The following DHX32 variants were observed in gnomAD, a reference collection of about 807,000 sequenced individuals.
DHX32 encodes DEAH-box helicase 32 (putative).
Under a neutral mutation model 70.0 loss-of-function variants are expected in DHX32, and 51 were observed. That is an observed-to-expected ratio of 0.73 (90% CI 0.58 to 0.92). The LOEUF (loss-of-function observed/expected upper bound fraction) is 0.92. DHX32 is among the 40% of genes least tolerant of loss of function. DHX32 has a pLI of 0.00. For synonymous variants in DHX32, 310 were observed against 315.3 expected (o/e 0.98, Z 0.18); for missense variants, 762 against 891.8 (o/e 0.85, Z 1.85).
chr10:125,868,022 C>T (rs1341843398), intron 1 of DHX32, among the ~76,000 whole-genome samples: 2 of 152,014 alleles, frequency 1.3e-5, no homozygotes, highest in Non-Finnish European at 2.9e-5. Flanking sequence ...ATAATAAAAG[C>T]TAAAATATCC....
At chr10:125,836,934 C>T (rs921826660) in intron 10 of DHX32, 79 bp from the exon 11 acceptor site, 1 of 1,285,250 alleles carries the variant, frequency 7.8e-7, no homozygotes, top group African/African-American at 1.5e-5. Flanking sequence ...CTGGGCACTT[C>T]CCATCCCTGG....
At position 125,836,693 on chromosome 10, in the gene DHX32, G is replaced by GA; in HGVS notation, c.2225dup (p.Gln743ProfsTer16). 1 of 1,613,972 alleles carries GA rather than the reference G, an allele frequency of 6.2e-7. No individual in the cohort carries two copies. On this transcript the variant is annotated frameshift_variant, in exon 11 of 11. Transcript: ENST00000284690. LOFTEE classifies it high-confidence loss of function. ...CCTTGTGTTTGCTGGGGAGTCACTG[G>GA]AGAGTGCATCTCTGTTCAGTTTCAG...
intron 6 of DHX32, among the ~76,000 whole-genome samples, chr10:125,848,428 T>G (rs1944051162): frequency 6.6e-6 from 1 of 152,220 alleles, no homozygotes; most frequent in Admixed American, 6.5e-5. Flanking sequence ...ACCCTAATTT[T>G]ACAGATGAGA....
At position 125,870,770 on chromosome 10, in the gene DHX32, C is replaced by G. The variant is rs953698057; in HGVS notation, c.283-3587G>C. Reference sequence around the variant, plus strand: ...GAAAATCACTTGAACCCGGGAGGCGCAGGTTGCAGTGAGCTGAGATCACAC... The same window carrying G: ...GAAAATCACTTGAACCCGGGAGGCGGAGGTTGCAGTGAGCTGAGATCACAC... On this transcript the variant is annotated intron_variant, in intron 1 of 10. Transcript: ENST00000284690. Among the ~76,000 whole-genome samples the G allele has an allele frequency of 2.6e-5, 4 of 152,000 alleles. No homozygotes were observed. In the East Asian group the frequency reaches 5.8e-4, roughly 22 times the overall value.
chr10:125,836,373 C>T lies in DHX32; in HGVS notation c.*314G>A, dbSNP rs1228911750. ...ACTCAGACTTTATTCAGATTAAGTT[C>T]CTCTACAAAAAGTAGGGTTCTGTCC... On this transcript the variant is annotated 3_prime_UTR_variant, in exon 11 of 11. Transcript: ENST00000284690. 6.4e-7 allele frequency: 1 copy of T among 1,569,616 alleles called. No homozygotes were observed. The highest frequency in any genetic ancestry group is 8.6e-7 in the Non-Finnish European group (1 of 1,160,742).
chr10:125,890,733 C>A (rs1416391034), intron 1 of DHX32: 1 of 152,204 alleles, frequency 6.6e-6, no homozygotes, highest in Admixed American at 6.5e-5. Flanking sequence ...CAACCCTGCA[C>A]AATCAAATTT....
intron 2 of DHX32, among the ~76,000 whole-genome samples, chr10:125,860,287 T>C (rs1011537979): frequency 1.3e-5 from 2 of 152,228 alleles, no homozygotes; most frequent in African/African-American, 4.8e-5. Context: ...ATCTAACTTT[T>C]GTTCTGAGCT....
rs750921125 is a variant in DHX32 at position 125,841,866 on chromosome 10, G to T, written c.1420C>A (p.Leu474Ile). ...YLAALDNDGN[L>I]SEFGIIMSEF... ...GACATGATGATTCCAAATTCAGAAA[G>T]ATTTCCATCATTATCCAGTGCTGCC... The change falls in exon 7 of 11, where the codon CTT becomes ATT. Residue 474 changes from leucine to isoleucine, a missense_variant. By Grantham distance (5) the Leu-to-Ile change is conservative (BLOSUM62 2). Coordinates refer to ENST00000284690, the MANE Select transcript of DHX32 (RefSeq NM_018180.3). 5.0e-6 allele frequency: 8 copies of T among 1,613,682 alleles called. No individual in the cohort carries two copies. Among genetic ancestry groups the T allele is most frequent in the Non-Finnish European group, 6.8e-6 (8 of 1,179,930 alleles).
chr10:125,858,891 T>C (rs1944164547), intron 3 of DHX32, among the ~76,000 whole-genome samples: 2 of 151,498 alleles, frequency 1.3e-5, no homozygotes, highest in Admixed American at 6.6e-5. Flanking sequence ...GTAGCTGCAA[T>C]TTAAAAAAAA....
Position 125,859,720 on chromosome 10 carries a change from C to G in DHX32, c.732G>C (p.Glu244Asp). ...TTTGAGCCTCACTAAGGTACACAAC[C>G]TCCACAGGGTGTTTATTTTTCACTT... is the stretch of plus-strand genomic sequence containing the variant. ...VIEVKNKHPV[E>D]VVYLSEAQKD... Residue 244 changes from glutamate to aspartate, a missense_variant, in exon 3 of 11, where the codon GAG becomes GAC. This residue lies in a region of DHX32 where 394 missense variants were observed against 473.1 expected (regional missense o/e 0.83). Transcript: ENST00000284690. 6.2e-7 allele frequency: 1 copy of G among 1,614,100 alleles called. No individual in the cohort carries two copies.
chr10:125,867,882 A>G (rs979497964), intron 1 of DHX32, among the ~76,000 whole-genome samples: 1 of 152,104 alleles, frequency 6.6e-6, no homozygotes, highest in Non-Finnish European at 1.5e-5. Flanking sequence ...GTTATCAGCT[A>G]TTGTGTTTTA....
intron 6 of DHX32, among the ~76,000 whole-genome samples, chr10:125,843,971 C>T (rs1278825918): frequency 6.6e-6 from 1 of 152,176 alleles, no homozygotes; most frequent in African/African-American, 2.4e-5. Context: ...GTTTTCCCAT[C>T]AAGATTTAAA....
At chr10:125,872,182 T>C (rs774321776) in intron 1 of DHX32, among the ~76,000 whole-genome samples, 1 of 152,092 alleles carries the variant, frequency 6.6e-6, no homozygotes, top group African/African-American at 2.4e-5. Context: ...GGGTACTACT[T>C]AGCAACTTTT....
At chr10:125,883,650 C>T (rs986897001), upstream of DHX32, among the ~76,000 whole-genome samples, 7 of 152,190 alleles carry the variant, frequency 4.6e-5, no homozygotes, top group African/African-American at 1.7e-4. Context: ...TATCATGAGA[C>T]AACAAATGGT....
intron 2 of DHX32, among the ~76,000 whole-genome samples, chr10:125,864,377 C>T (rs1944206789): frequency 6.6e-6 from 1 of 152,194 alleles, no homozygotes; most frequent in Non-Finnish European, 1.5e-5. Context: ...CTCCACCTGT[C>T]TCCATGGGTG....
At chr10:125,858,453 CA>C (rs1337620027) in intron 3 of DHX32, among the ~76,000 whole-genome samples, 2 of 151,942 alleles carry the variant, frequency 1.3e-5, no homozygotes, top group South Asian at 2.1e-4. Context: ...CATATACATA[CA>C]AAAAATGATA....
Position 125,880,402 on chromosome 10 carries a change from G to A in DHX32, c.282+141C>T, listed in dbSNP as rs1017214784. Reference sequence around the variant, plus strand: ...TAGTAAAATTAATAAAATTAGGTACGTGATTTAATTATTTTATCTGAATAA... The same window carrying A: ...TAGTAAAATTAATAAAATTAGGTACATGATTTAATTATTTTATCTGAATAA... On this transcript the variant is annotated intron_variant, in intron 1 of 10. Coordinates refer to ENST00000284690, the MANE Select transcript of DHX32 (RefSeq NM_018180.3). 4.3e-5 allele frequency: 36 copies of A among 841,710 alleles called. 1 individual carries two copies. Among genetic ancestry groups the A allele is most frequent in the East Asian group, 2.3e-4 (8 of 35,042 alleles). The allele number at this position is 841,710 out of a possible 1,614,324, so 52.1% of individuals were successfully genotyped here.
At chr10:125,854,303 C>G (rs1345476202) in intron 3 of DHX32, 100 bp from the exon 4 acceptor site, 5 of 1,224,638 alleles carry the variant, frequency 4.1e-6, no homozygotes, top group Non-Finnish European at 5.5e-6. Flanking sequence ...TACTACGTAA[C>G]AGATACAGGG....
intron 3 of DHX32, among the ~76,000 whole-genome samples, chr10:125,855,554 T>C (rs542863567): frequency 2.7e-4 from 41 of 149,920 alleles, no homozygotes; most frequent in African/African-American, 1.0e-3. Context: ...GTTCATGCCA[T>C]TCTCCTGCCT....
Sources: gnomAD v4.1 joint callset for allele counts (sites outside exome capture counted in the v4.1 genomes callset) on GRCh38, gnomAD v4.1.1 for gene constraint, gnomAD v4.1.1 regional missense constraint, MANE v1.5 for transcripts, NCBI Gene and HGNC (gene_info 2026-07-23, HGNC 2026-07-21) for gene names.